The following XPNPEP2 variants were observed in gnomAD, a reference collection of about 807,000 sequenced individuals.
XPNPEP2 encodes the protein xaa-Pro aminopeptidase 2.
XPNPEP2 carries 64 observed loss-of-function variants against 59.8 expected under a neutral mutation model. That is an observed-to-expected ratio of 1.07 (90% CI 0.87 to 1.32). The LOEUF (loss-of-function observed/expected upper bound fraction) is 1.32, where lower values mean the gene tolerates loss of function less well. XPNPEP2 is among the 40% of genes most tolerant of loss of function. XPNPEP2 has a pLI of 0.00. For synonymous variants in XPNPEP2, 235 were observed against 210.0 expected (o/e 1.12, Z -1.03); for missense variants, 575 against 546.8 (o/e 1.05, Z -0.51).
In XPNPEP2 at chrX:129,744,497, C is replaced by T. The variant is rs148230229; in HGVS notation, c.234+426C>T. 5.1e-3 allele frequency among the ~76,000 whole-genome samples: 567 copies of T among 111,709 alleles called. 7 individuals are homozygous for T. Among genetic ancestry groups the T allele is most frequent in the African/African-American group, 0.018 (538 of 30,696 alleles). ...AATCCAAAATCCTGGGTTAAGGGAG[C>T]GCGGGGTTGGTTGTGGAGGGGGGCA... On this transcript the variant is annotated intron_variant, in intron 3 of 20. Coordinates refer to ENST00000371106, the MANE Select transcript of XPNPEP2 (RefSeq NM_003399.6).
intron 6 of XPNPEP2, 55 bp from the exon 7 acceptor site, chrX:129,747,552 T>C: frequency 8.4e-7 from 1 of 1,192,266 alleles, no homozygotes; most frequent in Non-Finnish European, 1.1e-6. Context: ...GAATCACAAT[T>C]TTTTCCTGGG....
At chrX:129,763,171 G>A (rs1000287494) in intron 19 of XPNPEP2, among the ~76,000 whole-genome samples, 2 of 112,053 alleles carry the variant, frequency 1.8e-5, no homozygotes, top group Non-Finnish European at 3.8e-5. Flanking sequence ...TCTCTACTAA[G>A]GGACATAAAA....
At chrX:129,743,743 C>G (rs1469924081) in intron 2 of XPNPEP2, among the ~76,000 whole-genome samples, 1 of 111,404 alleles carries the variant, frequency 9.0e-6, no homozygotes, top group Non-Finnish European at 1.9e-5. Flanking sequence ...TCTCCAACAC[C>G]TCCATCTCCA....
chrX:129,750,376 C>A (rs1926367480), intron 7 of XPNPEP2, 92 bp from the exon 8 acceptor site: 2 of 685,872 alleles, frequency 2.9e-6, no homozygotes, highest in Admixed American at 3.3e-5. Context: ...TAAGAGGATG[C>A]AAAACTGTTA....
Position 129,747,946 on chromosome X carries a change from A to G in XPNPEP2, c.637+193A>G, listed in dbSNP as rs141237401. On this transcript the variant is annotated intron_variant, in intron 7 of 20. Coordinates refer to ENST00000371106, the MANE Select transcript of XPNPEP2 (RefSeq NM_003399.6). ...CCCCTCCCCTTGAGGAGTCTGAATC[A>G]AAATGTCCTCCGGCCATATTTAGAA... is the stretch of plus-strand genomic sequence containing the variant. 3,178 of 542,566 alleles carry G rather than the reference A, an allele frequency of 5.9e-3. 19 individuals are homozygous for G. The highest frequency in any genetic ancestry group is 8.4e-3 in the Non-Finnish European group (2,698 of 322,298). The allele number at this position is 542,566 out of a possible 1,213,427, so 44.7% of individuals were successfully genotyped here.
At chrX:129,762,274 C>T (rs1226872246) in intron 18 of XPNPEP2, among the ~76,000 whole-genome samples, 1 of 111,707 alleles carries the variant, frequency 9.0e-6, no homozygotes, top group African/African-American at 3.3e-5. Flanking sequence ...CCTCTTTTTG[C>T]TCTTGGGAGT....
At chrX:129,741,642 A>C (rs1926183944) in intron 1 of XPNPEP2, among the ~76,000 whole-genome samples, 1 of 112,317 alleles carries the variant, frequency 8.9e-6, no homozygotes, top group Non-Finnish European at 1.9e-5. Flanking sequence ...GGACTGTAAG[A>C]AACAGTGCAA....
intron 1 of XPNPEP2, 79 bp from the exon 2 acceptor site, chrX:129,742,029 C>G: frequency 1.0e-6 from 1 of 960,697 alleles, no homozygotes; most frequent in Non-Finnish European, 1.5e-6. Flanking sequence ...CCCCGTGGGG[C>G]GGGCTGAGAG....
chrX:129,743,824 C>A, intron 2 of XPNPEP2, 137 bp from the exon 3 acceptor site: 1 of 538,478 alleles, frequency 1.9e-6, no homozygotes, highest in Admixed American at 2.9e-5. Context: ...CCAAGCCAGG[C>A]CAGCCTAACT....
chrX:129,740,896 C>T (rs1413438813), intron 1 of XPNPEP2, among the ~76,000 whole-genome samples: 2 of 99,365 alleles, frequency 2.0e-5, no homozygotes, highest in Admixed American at 1.1e-4. Flanking sequence ...GAGCTGAGAT[C>T]GCCCCACTGC....
intron 20 of XPNPEP2, 95 bp downstream of exon 20, chrX:129,767,787 G>A: frequency 1.1e-6 from 1 of 944,243 alleles, no homozygotes. Flanking sequence ...CCTCCTCCAG[G>A]AGGGTCCACA....
In XPNPEP2 at chrX:129,757,864, AGAGAG is replaced by A. The variant is rs1472118536; in HGVS notation, c.1367+1310_1368-1311del. 3.3e-3 allele frequency among the ~76,000 whole-genome samples: 227 copies of A among 68,291 alleles called. 1 individual carries two copies. Among genetic ancestry groups the A allele is most frequent in the African/African-American group, 0.013 (159 of 12,329 alleles). The allele number at this position is 68,291 out of a possible 115,157, so 59.3% of individuals were successfully genotyped here. A position where few individuals can be genotyped will look rare whatever the true frequency, so the allele number is the denominator to read the frequency against. ...GAAAGAAAGAAAGAAAGAAAGAGGG[AGAGAG>A]AGAAAGAGAGAGAGAGAGAGAGAGA... is the stretch of plus-strand genomic sequence containing the variant. On this transcript the variant is annotated intron_variant, in intron 14 of 20. Transcript: ENST00000371106.
rs781403885 is a variant in XPNPEP2 at position 129,742,195 on chromosome X, GC to G, written c.123+20del. 5 of 1,056,908 alleles carry G rather than the reference GC, an allele frequency of 4.7e-6. No homozygotes were observed. The highest frequency in any genetic ancestry group is 2.1e-5 in the South Asian group (1 of 46,742). The allele number at this position is 1,056,908 out of a possible 1,213,427, so 87.1% of individuals were successfully genotyped here. A position where few individuals can be genotyped will look rare whatever the true frequency, so the allele number is the denominator to read the frequency against. ...ACCAACCCCCCTGTGAGTGCCCCCT[GC>G]CCCCCGCGCACGGCCCCCCTGGCCC... is the stretch of plus-strand genomic sequence containing the variant. On this transcript the variant is annotated intron_variant, in intron 2 of 20. Coordinates refer to ENST00000371106, the MANE Select transcript of XPNPEP2 (RefSeq NM_003399.6).
intron 3 of XPNPEP2, 75 bp downstream of exon 3, chrX:129,744,146 C>A: frequency 1.1e-6 from 1 of 931,078 alleles, no homozygotes; most frequent in Non-Finnish European, 1.5e-6. Context: ...GCTGTTAAAA[C>A]TCAGAAGATG....
chrX:129,752,065 A>T (rs1390917602), intron 9 of XPNPEP2, 85 bp from the exon 10 acceptor site: 1 of 1,098,702 alleles, frequency 9.1e-7, no homozygotes, highest in South Asian at 2.1e-5. Flanking sequence ...TTTGACCTCC[A>T]GGAACAGAGG....
chrX:129,751,595 AAAGGAAGG>A (rs201428707), intron 8 of XPNPEP2, 142 bp from the exon 9 acceptor site: 2,659 of 200,039 alleles, frequency 0.013, 44 homozygotes, highest in African/African-American at 0.038. Context: ...AGAAAGAAAG[AAAGGAAGG>A]AAGGAAGGAA....
chrX:129,764,636 C>T (rs1341193297), intron 19 of XPNPEP2, among the ~76,000 whole-genome samples: 8 of 90,005 alleles, frequency 8.9e-5, no homozygotes, highest in African/African-American at 3.0e-4. Flanking sequence ...ACCTGGGCAA[C>T]AAGAGCAAAA....
At chrX:129,762,397 T>C (rs1230238149) in intron 18 of XPNPEP2, among the ~76,000 whole-genome samples, 1 of 112,153 alleles carries the variant, frequency 8.9e-6, no homozygotes, top group African/African-American at 3.2e-5. Context: ...AACAGGACAG[T>C]GGCATCCAGG....
At chrX:129,755,531 G>T (rs966187217) in intron 13 of XPNPEP2, among the ~76,000 whole-genome samples, 160 bp downstream of exon 13, 2 of 111,930 alleles carry the variant, frequency 1.8e-5, no homozygotes, top group African/African-American at 6.5e-5. Context: ...TCAGTGTGGA[G>T]TAGGGAGTTG....
Sources: gnomAD v4.1 joint callset for allele counts (sites outside exome capture counted in the v4.1 genomes callset) on GRCh38, gnomAD v4.1.1 for gene constraint, MANE v1.5 for transcripts, NCBI Gene and HGNC (gene_info 2026-07-23, HGNC 2026-07-21) for gene names.